The following GLIS3 variants were observed in gnomAD, a reference collection of about 807,000 sequenced individuals.
The protein encoded by GLIS3 is zinc finger protein GLIS3.
GLIS3 carries 53 observed loss-of-function variants against 78.6 expected under a neutral mutation model. That is an observed-to-expected ratio of 0.67 (90% CI 0.54 to 0.85). GLIS3 has a LOEUF of 0.85. Ranked by LOEUF, GLIS3 falls within the 40% of genes least tolerant of loss-of-function variation. GLIS3 has a pLI of 0.00. For synonymous variants in GLIS3, 684 were observed against 509.9 expected (o/e 1.34, Z -4.60); for missense variants, 1,703 against 1,231.1 (o/e 1.38, Z -5.74).
intron 8 of GLIS3, among the ~76,000 whole-genome samples, chr9:3,864,664 T>C (rs2130329589): frequency 6.6e-6 from 1 of 152,350 alleles, no homozygotes; most frequent in Non-Finnish European, 1.5e-5. Context: ...AGTGCTTTTT[T>C]TCTTCCCTCA....
intron 4 of GLIS3, among the ~76,000 whole-genome samples, chr9:4,079,744 GAAAAAAA>G (rs557862210): frequency 7.8e-4 from 96 of 123,118 alleles, no homozygotes; most frequent in Non-Finnish European, 4.7e-4. Context: ...AGATGGATGT[GAAAAAAA>G]AAAAAAAAGA....
chr9:4,138,359 T>C (rs369036890), intron 2 of GLIS3, among the ~76,000 whole-genome samples: 24 of 152,246 alleles, frequency 1.6e-4, no homozygotes, highest in Non-Finnish European at 2.6e-4. Context: ...TTACAACCAA[T>C]TGGAGAGAGT....
chr9:4,099,739 T>C (rs909391860), intron 4 of GLIS3, among the ~76,000 whole-genome samples: 11 of 152,250 alleles, frequency 7.2e-5, no homozygotes, highest in Non-Finnish European at 1.3e-4. Context: ...CAGGATACAA[T>C]AAGTTGCATA....
At chr9:4,268,028 TGTGCATACACACGTGCGTGC>T (rs1413212166) in intron 2 of GLIS3, among the ~76,000 whole-genome samples, 3 of 152,106 alleles carry the variant, frequency 2.0e-5, no homozygotes, top group East Asian at 1.9e-4. Context: ...TGTGTATATA[TGTGCATACACACGTGCGTGC>T]GTGCGCACAC....
At chr9:3,867,771 G>A (rs1002547702) in intron 8 of GLIS3, among the ~76,000 whole-genome samples, 40 of 152,032 alleles carry the variant, frequency 2.6e-4, no homozygotes, top group Admixed American at 2.6e-3. Flanking sequence ...ATGTGTGTAT[G>A]CGTGTGCATG....
intron 2 of GLIS3, among the ~76,000 whole-genome samples, chr9:4,151,821 C>A (rs114051293): frequency 2.0e-5 from 3 of 152,190 alleles, no homozygotes; most frequent in Admixed American, 2.0e-4. Context: ...GTTAAACATA[C>A]TCATACCTTC....
chr9:3,838,633 G>A (rs10973733), intron 9 of GLIS3, among the ~76,000 whole-genome samples: 29,273 of 152,040 alleles, frequency 0.19, 3,197 homozygotes, highest in Non-Finnish European at 0.24. Flanking sequence ...GCTTCCCAGG[G>A]ATTCAAACAC....
rs1821442295 is a variant in GLIS3, at chr9:4,222,797, C to T, written c.388+63241G>A. On this transcript the variant is annotated intron_variant, in intron 2 of 10. Transcript: ENST00000381971. Reference sequence around the variant, plus strand: ...TCTTAACAAATTTGTTTAGCAAGTGCATATGTTTGAGATAAAAGACATCAA... The same window carrying T: ...TCTTAACAAATTTGTTTAGCAAGTGTATATGTTTGAGATAAAAGACATCAA... 2.0e-5 allele frequency among the ~76,000 whole-genome samples: 3 copies of T among 152,296 alleles called. No individual in the cohort carries two copies. The South Asian group carries it at 6.2e-4, about 32-fold the overall frequency.
intron 2 of GLIS3, among the ~76,000 whole-genome samples, chr9:4,263,415 G>A (rs1177928019): frequency 6.6e-6 from 1 of 152,058 alleles, no homozygotes; most frequent in Non-Finnish European, 1.5e-5. Flanking sequence ...AGAGAAAGAA[G>A]ATGCCAGGTG....
At chr9:4,139,639 G>A (rs545825875) in intron 2 of GLIS3, among the ~76,000 whole-genome samples, 1 of 152,296 alleles carries the variant, frequency 6.6e-6, no homozygotes, top group East Asian at 1.9e-4. Context: ...CTGGTTTCAT[G>A]GTTCGTGGTT....
chr9:4,137,422 G>A (rs1833480253), intron 2 of GLIS3, among the ~76,000 whole-genome samples: 1 of 152,074 alleles, frequency 6.6e-6, no homozygotes, highest in Non-Finnish European at 1.5e-5. Context: ...CACCAAGTAT[G>A]GAATCACCAG....
chr9:3,994,242 TTATG>T (rs1443051928), intron 4 of GLIS3, among the ~76,000 whole-genome samples: 8 of 152,332 alleles, frequency 5.3e-5, no homozygotes, highest in African/African-American at 1.4e-4. Context: ...TAGTTTCTCA[TTATG>T]GTCTCATTAC....
chr9:3,829,347 A>G lies in GLIS3; in HGVS notation c.2619T>C (p.Val873=). ...PTSMGQASFD[V]FHRAFSTHSG... is the part of the protein sequence containing the mutation. ...AGTGAGTCGAGAAGGCTCTGTGGAA[A>G]ACATCAAAACTGGCCTGGCCCATGG... The change falls in exon 10 of 11, where the codon GTT becomes GTC. Residue 873 remains valine, a synonymous_variant. Transcript: ENST00000381971. The G allele has an allele frequency of 1.2e-6, 2 of 1,614,080 alleles. No homozygotes were observed. The highest frequency in any genetic ancestry group is 1.7e-6 in the Non-Finnish European group (2 of 1,179,990).
At chr9:4,038,722 C>A (rs946856) in intron 4 of GLIS3, among the ~76,000 whole-genome samples, 2 of 152,126 alleles carry the variant, frequency 1.3e-5, no homozygotes, top group Non-Finnish European at 2.9e-5. Context: ...CAGCTCTCCA[C>A]TATTCTTTTT....
intron 4 of GLIS3, among the ~76,000 whole-genome samples, chr9:4,064,247 A>G (rs2130584932): frequency 6.6e-6 from 1 of 152,326 alleles, no homozygotes; most frequent in South Asian, 2.1e-4. Flanking sequence ...AAATTCTACA[A>G]GGAATAAAGA....
At chr9:4,384,992 G>A in the GLIS3 span, among the ~76,000 whole-genome samples, 1 of 152,210 alleles carries the variant, frequency 6.6e-6, no homozygotes, top group Non-Finnish European at 1.5e-5. Flanking sequence ...TTGCCCAACA[G>A]AGGCGCAGAA....
At chr9:3,842,759 A>C (rs1270338844) in intron 9 of GLIS3, among the ~76,000 whole-genome samples, 38 of 152,248 alleles carry the variant, frequency 2.5e-4, no homozygotes, top group Admixed American at 2.5e-3. Flanking sequence ...AAAGTTTGAG[A>C]GGCTCTAAGA....
chr9:4,391,013 A>G, the GLIS3 span, among the ~76,000 whole-genome samples: 3 of 151,930 alleles, frequency 2.0e-5, no homozygotes, highest in Non-Finnish European at 4.4e-5. Context: ...TTCTCTGTCT[A>G]CTCATCCTCC....
chr9:4,426,294 G>C, the GLIS3 span, among the ~76,000 whole-genome samples: 2 of 152,198 alleles, frequency 1.3e-5, no homozygotes, highest in Non-Finnish European at 2.9e-5. Flanking sequence ...GACCAACAGT[G>C]AGAGAAATGT....
Sources: gnomAD v4.1 joint callset for allele counts (sites outside exome capture counted in the v4.1 genomes callset) on GRCh38, gnomAD v4.1.1 for gene constraint, MANE v1.5 for transcripts, NCBI Gene and HGNC (gene_info 2026-07-23, HGNC 2026-07-21) for gene names.